Variants in LRRC4C observed in about 807,000 individuals in gnomAD.
The protein encoded by LRRC4C is leucine-rich repeat-containing protein 4C.
Under a neutral mutation model 33.6 loss-of-function variants are expected in LRRC4C, and 5 were observed. The ratio of observed to expected loss-of-function variants is 0.15; its 90% CI spans 0.08 to 0.31. The LOEUF is 0.31. Ranked by LOEUF, LRRC4C falls within the 10% of genes least tolerant of loss-of-function variation. The pLI is 1.00. For missense variants in LRRC4C, 560 were observed against 796.7 expected (o/e 0.70, Z 3.58); for synonymous variants, 329 against 302.0 (o/e 1.09, Z -0.93).
At chr11:40,857,778 G>A (rs548598558) in intron 2 of LRRC4C, among the ~76,000 whole-genome samples, 5 of 152,030 alleles carry the variant, frequency 3.3e-5, no homozygotes, top group Non-Finnish European at 5.9e-5. Context: ...AGCCAGGCAT[G>A]GTGGCATGCA....
chr11:40,932,661 G>C (rs1592126132), intron 2 of LRRC4C, among the ~76,000 whole-genome samples: 1 of 152,152 alleles, frequency 6.6e-6, no homozygotes, highest in Admixed American at 6.6e-5. Flanking sequence ...TAAAGATAAA[G>C]AGATATTTTA....
In LRRC4C at chr11:40,115,157, G is replaced by A. The variant is rs748255377; in HGVS notation, c.1136C>T (p.Thr379Ile). Residue 379 changes from threonine (T) to isoleucine (I), a missense_variant, in exon 7 of 7, where the codon ACA becomes ATA. Physicochemically the swap from Thr to Ile is moderately conservative, Grantham distance 89 (BLOSUM62 -1). Transcript: ENST00000528697. The surrounding 1 kb of genome is among the most constrained non-coding windows in gnomAD (Gnocchi z 6.7). Reference sequence around the variant, plus strand: ...AATCCAAGATACAGATGTCAGGGATGTGGAGGCCCGACATTTCAGCTCAGC... The same window carrying A: ...AATCCAAGATACAGATGTCAGGGATATGGAGGCCCGACATTTCAGCTCAGC... Reference protein sequence around the residue: ...MAAELKCRASTSLTSVSWITP... With the variant: ...MAAELKCRASISLTSVSWITP... The A allele has an allele frequency of 5.6e-6, 9 of 1,614,230 alleles. No homozygotes were observed. The highest frequency in any genetic ancestry group is 6.8e-6 in the Non-Finnish European group (8 of 1,180,044).
At chr11:40,283,245 C>T (rs551072205) in intron 4 of LRRC4C, among the ~76,000 whole-genome samples, 62 of 152,262 alleles carry the variant, frequency 4.1e-4, no homozygotes, top group African/African-American at 1.3e-3. Context: ...TCAAGAACAG[C>T]TATTATCAAT....
At chr11:40,902,787 T>G (rs2136201800) in intron 2 of LRRC4C, among the ~76,000 whole-genome samples, 1 of 152,298 alleles carries the variant, frequency 6.6e-6, no homozygotes, top group East Asian at 1.9e-4. Context: ...TAACTATCTT[T>G]AATTCTATGA....
chr11:41,154,047 G>A (rs10837587), intron 1 of LRRC4C, among the ~76,000 whole-genome samples: 7,441 of 152,174 alleles, frequency 0.049, 206 homozygotes, highest in East Asian at 0.069. Context: ...AGCTTGAAAC[G>A]GTGTAGCCCT....
chr11:40,949,550 G>C lies in LRRC4C; in HGVS notation c.-495-15827C>G, dbSNP rs1000708473. Among the ~76,000 whole-genome samples the C allele has an allele frequency of 1.6e-4, 24 of 152,098 alleles. 1 individual carries two copies. The highest frequency in any genetic ancestry group is 3.4e-3 in the Middle Eastern group (1 of 294). The stretch of plus-strand genomic sequence containing the variant: ...AAACTCTACAAGCCAGAAGAGAGTG[G>C]GGGCCAATATTCAACATTCTTAAAG... On this transcript the variant is annotated intron_variant, in intron 1 of 6. Transcript: ENST00000528697.
intron 4 of LRRC4C, among the ~76,000 whole-genome samples, chr11:40,285,682 T>C (rs1049749936): frequency 6.6e-6 from 1 of 152,144 alleles, no homozygotes; most frequent in African/African-American, 2.4e-5. Flanking sequence ...GGAAGGTATA[T>C]GTGACCTAAG....
At chr11:40,836,288 C>A (rs1361851793) in intron 2 of LRRC4C, among the ~76,000 whole-genome samples, 1 of 152,082 alleles carries the variant, frequency 6.6e-6, no homozygotes, top group Non-Finnish European at 1.5e-5. Flanking sequence ...TCTCATTCCC[C>A]ATGAAGAGCA....
chr11:41,424,569 A>T (rs1954975054), intron 1 of LRRC4C, among the ~76,000 whole-genome samples: 1 of 152,056 alleles, frequency 6.6e-6, no homozygotes, highest in South Asian at 2.1e-4. Context: ...AGAGCTCAGG[A>T]TGACATGGTT....
chr11:40,519,567 G>A (rs1365922371), intron 3 of LRRC4C, among the ~76,000 whole-genome samples: 1 of 152,024 alleles, frequency 6.6e-6, no homozygotes, highest in Non-Finnish European at 1.5e-5. Flanking sequence ...TCTGAATTAG[G>A]CTTTGTCTTA....
chr11:40,130,664 G>C (rs1296874566), intron 6 of LRRC4C, among the ~76,000 whole-genome samples: 2 of 152,060 alleles, frequency 1.3e-5, no homozygotes, highest in African/African-American at 4.8e-5. Flanking sequence ...AATGTCCCCT[G>C]GGGGGCAAAA....
At chr11:41,162,160 TG>T (rs1221879447) in intron 1 of LRRC4C, among the ~76,000 whole-genome samples, 1 of 152,142 alleles carries the variant, frequency 6.6e-6, no homozygotes, top group African/African-American at 2.4e-5. Flanking sequence ...AGCTCTGTGC[TG>T]TAACTCTTCC....
At chr11:40,125,535 G>A (rs1273449451) in intron 6 of LRRC4C, among the ~76,000 whole-genome samples, 2 of 149,672 alleles carry the variant, frequency 1.3e-5, no homozygotes, top group African/African-American at 2.5e-5. Context: ...ATCCTCACAC[G>A]TTTATGTTCA....
chr11:40,718,778 G>A (rs975179523), intron 2 of LRRC4C, among the ~76,000 whole-genome samples: 2 of 152,140 alleles, frequency 1.3e-5, no homozygotes, highest in African/African-American at 4.8e-5. Context: ...TAGTCAACAT[G>A]GATACAGACA....
chr11:41,020,363 G>A (rs1000317156), intron 1 of LRRC4C, among the ~76,000 whole-genome samples: 8 of 152,174 alleles, frequency 5.3e-5, no homozygotes, highest in East Asian at 1.9e-4. Context: ...GCATATGATC[G>A]TCTGTGGAAA....
chr11:40,823,494 G>A (rs1398566507), intron 2 of LRRC4C, among the ~76,000 whole-genome samples: 7 of 151,604 alleles, frequency 4.6e-5, no homozygotes, highest in African/African-American at 1.7e-4. Context: ...TCATTCATTA[G>A]ATATACAATT....
At chr11:40,732,730 TA>T (rs1947654884) in intron 2 of LRRC4C, among the ~76,000 whole-genome samples, 2 of 152,208 alleles carry the variant, frequency 1.3e-5, no homozygotes, top group African/African-American at 4.8e-5. Context: ...TTAATCTTTT[TA>T]AAGTTAACAA....
At chr11:41,340,131 G>A (rs538516239) in intron 1 of LRRC4C, among the ~76,000 whole-genome samples, 57 of 152,114 alleles carry the variant, frequency 3.7e-4, no homozygotes, top group African/African-American at 1.3e-3. Context: ...AGTAAGTTTC[G>A]CTCATCTTTT....
At chr11:41,308,699 G>A (rs1465203826) in intron 1 of LRRC4C, among the ~76,000 whole-genome samples, 2 of 151,914 alleles carry the variant, frequency 1.3e-5, no homozygotes, top group Non-Finnish European at 2.9e-5. Flanking sequence ...AGAGCAAAGG[G>A]CTATTAAAAC....
Sources: gnomAD v4.1 joint callset for allele counts (sites outside exome capture counted in the v4.1 genomes callset) on GRCh38, gnomAD v4.1.1 for gene constraint, Gnocchi (gnomAD v3.1) non-coding constraint, MANE v1.5 for transcripts, NCBI Gene and HGNC (gene_info 2026-07-23, HGNC 2026-07-21) for gene names.